The following MCPH1 variants were observed in gnomAD, a reference collection of about 807,000 sequenced individuals.
MCPH1 encodes microcephalin 1.
MCPH1 carries 104 observed loss-of-function variants against 84.5 expected under a neutral mutation model. That is an observed-to-expected ratio of 1.23 (90% confidence interval 1.05 to 1.45). MCPH1 has a LOEUF of 1.45. Among genes scored for constraint, MCPH1 ranks in the 40% most tolerant of loss-of-function variants. The pLI, the probability that MCPH1 is intolerant of heterozygous loss-of-function variation, is 0.00. For synonymous variants in MCPH1, 514 were observed against 366.8 expected, an observed-to-expected ratio of 1.40 and a Z score of -4.58; for missense variants, 1,498 against 1,005.7, an observed-to-expected ratio of 1.49 and a Z score of -6.62.
chr8:6,635,651 G>A (rs553797073), intron 13 of MCPH1, among the ~76,000 whole-genome samples: 56 of 152,248 alleles, frequency 3.7e-4, no homozygotes, highest in African/African-American at 1.2e-3. Flanking sequence ...TGTGTACACT[G>A]AACCAACAGA....
At chr8:6,574,919 C>T (rs925796128) in intron 12 of MCPH1, among the ~76,000 whole-genome samples, 17 of 152,128 alleles carry the variant, frequency 1.1e-4, no homozygotes, top group Non-Finnish European at 1.8e-4. Context: ...GTTACAGATT[C>T]GAAAAACGGC....
At chr8:6,411,294 A>G (rs1798500472) in intron 2 of MCPH1, among the ~76,000 whole-genome samples, 1 of 152,178 alleles carries the variant, frequency 6.6e-6, no homozygotes, top group African/African-American at 2.4e-5. Flanking sequence ...AGAAGTTTTT[A>G]TCTTATAAGG....
intron 13 of MCPH1, among the ~76,000 whole-genome samples, chr8:6,642,322 G>A (rs553973489): frequency 7.9e-5 from 12 of 152,236 alleles, no homozygotes; most frequent in Admixed American, 7.2e-4. Context: ...GAGGAAAGAG[G>A]GAGGGGTTGT....
chr8:6,559,817 A>C (rs1369140306), intron 12 of MCPH1, among the ~76,000 whole-genome samples: 3 of 152,308 alleles, frequency 2.0e-5, no homozygotes, highest in East Asian at 3.9e-4. Context: ...TAGCATGAGT[A>C]GTGTTTGGTC....
intron 12 of MCPH1, among the ~76,000 whole-genome samples, chr8:6,566,828 G>A (rs1826203514): frequency 1.4e-5 from 2 of 148,056 alleles, no homozygotes; most frequent in Non-Finnish European, 3.0e-5. Context: ...GCCATGGATA[G>A]TGAGTGCACA....
Position 6,445,394 on chromosome 8 carries a change from C to T in MCPH1, c.1672C>T (p.Leu558=), listed in dbSNP as rs545753077. 1 of 1,614,216 alleles carries T rather than the reference C, an allele frequency of 6.2e-7. No individual in the cohort carries two copies. The highest frequency in any genetic ancestry group is 1.1e-5 in the South Asian group (1 of 91,074). Residue 558 remains leucine (L), a synonymous_variant, in exon 8 of 14, where the codon CTG becomes TTG. Coordinates refer to ENST00000344683, the MANE Select transcript of MCPH1 (RefSeq NM_024596.5). The part of the protein sequence containing the change: ...SLEEMKEAVG[L]KSTQNKGTTS... ...TGAAGAAATGAAAGAAGCGGTTGGT[C>T]TGAAAAGCACACAGAACAAAGGTAC...
intron 12 of MCPH1, among the ~76,000 whole-genome samples, chr8:6,608,617 G>T (rs545083548): frequency 6.6e-6 from 1 of 152,078 alleles, no homozygotes; most frequent in Non-Finnish European, 1.5e-5. Context: ...ATTCTCATTC[G>T]GTCCTTTGCT....
chr8:6,467,089 C>T (rs555131350), intron 9 of MCPH1, among the ~76,000 whole-genome samples: 16 of 152,012 alleles, frequency 1.1e-4, no homozygotes, highest in African/African-American at 3.1e-4. Flanking sequence ...ATTAATGAGG[C>T]GTTATAATAG....
intron 12 of MCPH1, among the ~76,000 whole-genome samples, chr8:6,617,359 A>G (rs1241541064): frequency 6.8e-6 from 1 of 147,628 alleles, no homozygotes; most frequent in Non-Finnish European, 1.5e-5. Flanking sequence ...GGCTCACTGC[A>G]AGCTCCTCCT....
At chr8:6,514,452 G>C (rs1815831195) in intron 12 of MCPH1, among the ~76,000 whole-genome samples, 1 of 152,138 alleles carries the variant, frequency 6.6e-6, no homozygotes, top group Non-Finnish European at 1.5e-5. Context: ...GCCTCCCAAA[G>C]TGCTGGGATT....
At chr8:6,624,119 C>T (rs892039614) in intron 13 of MCPH1, among the ~76,000 whole-genome samples, 3 of 152,208 alleles carry the variant, frequency 2.0e-5, no homozygotes, top group Admixed American at 6.5e-5. Context: ...GTTGTTTTGC[C>T]GCTCGGCTCT....
intron 12 of MCPH1, among the ~76,000 whole-genome samples, chr8:6,535,746 T>G (rs1299046417): frequency 6.6e-6 from 1 of 152,138 alleles, no homozygotes; most frequent in African/African-American, 2.4e-5. Context: ...ATATTTTGTG[T>G]TGATTTAAAA....
At chr8:6,482,992 T>C (rs1036884920) in intron 11 of MCPH1, among the ~76,000 whole-genome samples, 2 of 152,286 alleles carry the variant, frequency 1.3e-5, no homozygotes, top group African/African-American at 4.8e-5. Flanking sequence ...TCTCTATTTA[T>C]AAACCACACA....
chr8:6,561,594 A>G (rs564018426), intron 12 of MCPH1, among the ~76,000 whole-genome samples: 14 of 152,342 alleles, frequency 9.2e-5, no homozygotes, highest in African/African-American at 3.4e-4. Context: ...CTTTTAAAAG[A>G]CTTTACATAG....
chr8:6,537,841 G>A (rs1194788834), intron 12 of MCPH1, among the ~76,000 whole-genome samples: 3 of 152,096 alleles, frequency 2.0e-5, no homozygotes, highest in East Asian at 1.9e-4. Flanking sequence ...TGGAGATTCT[G>A]ATGTTGATTT....
intron 12 of MCPH1, 94 bp from the exon 13 acceptor site, chr8:6,621,360 T>G: frequency 2.0e-6 from 3 of 1,473,666 alleles, no homozygotes; most frequent in Non-Finnish European, 9.4e-7. Context: ...GTCTATTCTT[T>G]TCATAAAAAA....
intron 11 of MCPH1, among the ~76,000 whole-genome samples, chr8:6,482,399 C>A (rs1809355787): frequency 6.6e-6 from 1 of 152,210 alleles, no homozygotes; most frequent in South Asian, 2.1e-4. Flanking sequence ...CCCAGGGGGC[C>A]ACGGACTGTG....
chr8:6,476,643 T>C (rs1292670560), intron 9 of MCPH1, among the ~76,000 whole-genome samples: 3 of 152,122 alleles, frequency 2.0e-5, no homozygotes, highest in Admixed American at 2.0e-4. Context: ...AAACCAGCAG[T>C]CCTTCCCCAA....
chr8:6,641,223 A>T (rs1036351729), intron 13 of MCPH1, among the ~76,000 whole-genome samples: 3 of 151,916 alleles, frequency 2.0e-5, no homozygotes, highest in African/African-American at 7.3e-5. Context: ...TTTTTTTATG[A>T]TTTTTCAAAA....
Sources: gnomAD v4.1 joint callset for allele counts (sites outside exome capture counted in the v4.1 genomes callset) on GRCh38, gnomAD v4.1.1 for gene constraint, MANE v1.5 for transcripts, NCBI Gene and HGNC (gene_info 2026-07-23, HGNC 2026-07-21) for gene names.